Variants in GABRA3 observed in about 807,000 individuals in gnomAD.
GABRA3 encodes the protein gamma-aminobutyric acid receptor subunit alpha-3.
Under a neutral mutation model 30.1 loss-of-function variants are expected in GABRA3, and 10 were observed. The observed-to-expected ratio is 0.33, with a 90% CI of 0.20 to 0.56. The LOEUF is 0.56. Ranked by LOEUF, GABRA3 falls within the 20% of genes least tolerant of loss-of-function variation. The pLI is 0.89. For missense variants in GABRA3, 233 were observed against 392.0 expected (o/e 0.59, Z 3.42); for synonymous variants, 151 against 146.8 (o/e 1.03, Z -0.21).
chrX:152,347,389 T>C (rs1309390487), intron 2 of GABRA3, among the ~76,000 whole-genome samples: 1 of 111,398 alleles, frequency 9.0e-6, no homozygotes, highest in Admixed American at 9.6e-5. Flanking sequence ...TTAATGTGTA[T>C]AAAATAATAA....
intron 4 of GABRA3, among the ~76,000 whole-genome samples, chrX:152,271,826 A>C (rs1938945071): frequency 9.0e-6 from 1 of 111,667 alleles, no homozygotes; most frequent in Non-Finnish European, 1.9e-5. Context: ...GCTGTGTCTA[A>C]AAAGGGCCAA....
intron 7 of GABRA3, among the ~76,000 whole-genome samples, chrX:152,200,736 T>C (rs1212250177): frequency 8.9e-6 from 1 of 112,121 alleles, no homozygotes; most frequent in Admixed American, 9.5e-5. Context: ...ATAAAAGATG[T>C]AATAAATATT....
intron 1 of GABRA3, among the ~76,000 whole-genome samples, chrX:152,441,011 TA>T (rs3042367): frequency 0.17 from 16,184 of 97,490 alleles, 1,059 homozygotes; most frequent in Middle Eastern, 0.22. Flanking sequence ...TATAGTATAA[TA>T]AAAAAAAAAA....
chrX:152,300,738 CA>C (rs1389496301), intron 3 of GABRA3, among the ~76,000 whole-genome samples: 1 of 111,466 alleles, frequency 9.0e-6, no homozygotes, highest in African/African-American at 3.3e-5. Flanking sequence ...ATGCAATTAC[CA>C]AAATAAAAAA....
At chrX:152,433,031 A>T (rs934068396) in intron 1 of GABRA3, among the ~76,000 whole-genome samples, 2 of 111,696 alleles carry the variant, frequency 1.8e-5, no homozygotes, top group Non-Finnish European at 3.8e-5. Context: ...TATTATAAAA[A>T]AAAGAAGTAT....
intron 5 of GABRA3, among the ~76,000 whole-genome samples, chrX:152,251,834 C>A (rs1473244964): frequency 2.7e-5 from 3 of 110,846 alleles, no homozygotes; most frequent in Non-Finnish European, 3.8e-5. Flanking sequence ...GACACTCATT[C>A]ATACCTTTTC....
chrX:152,412,235 C>T (rs185980802), intron 1 of GABRA3, among the ~76,000 whole-genome samples: 2 of 111,677 alleles, frequency 1.8e-5, no homozygotes, highest in East Asian at 5.7e-4. Flanking sequence ...TGCAAATTGG[C>T]TCAGCTACTG....
chrX:152,275,338 T>TA (rs1556774609), intron 4 of GABRA3, among the ~76,000 whole-genome samples: 3 of 9,374 alleles, frequency 3.2e-4, no homozygotes, highest in Admixed American at 2.7e-3. Flanking sequence ...ATATTTAATA[T>TA]TATATATAAT....
At chrX:152,244,316 T>C (rs775858754) in intron 5 of GABRA3, among the ~76,000 whole-genome samples, 4 of 111,974 alleles carry the variant, frequency 3.6e-5, no homozygotes, top group Non-Finnish European at 7.5e-5. Flanking sequence ...AATTAAAATG[T>C]TGAAATATTA....
chrX:152,190,009 T>G, intron 8 of GABRA3, 68 bp from the exon 9 acceptor site: 1 of 777,142 alleles, frequency 1.3e-6, no homozygotes, highest in Non-Finnish European at 1.9e-6. Context: ...ATGAAATCAC[T>G]AATTTCCTAT....
intron 9 of GABRA3, among the ~76,000 whole-genome samples, chrX:152,171,783 A>T (rs1937005940): frequency 8.9e-6 from 1 of 112,080 alleles, no homozygotes; most frequent in South Asian, 3.7e-4. Context: ...GTGGAAATTG[A>T]CTTCTCCAAA....
chrX:152,344,196 A>G (rs1187051167), intron 3 of GABRA3, among the ~76,000 whole-genome samples: 1 of 111,986 alleles, frequency 8.9e-6, no homozygotes, highest in Non-Finnish European at 1.9e-5. Flanking sequence ...CATGCCATAT[A>G]ATAAGAAAGT....
intron 1 of GABRA3, among the ~76,000 whole-genome samples, chrX:152,422,781 C>T (rs4828590): frequency 0.47 from 51,328 of 109,520 alleles, 10,993 homozygotes; most frequent in African/African-American, 0.82. Flanking sequence ...TAGGAATGAA[C>T]TTAAGAGATC....
intron 4 of GABRA3, among the ~76,000 whole-genome samples, chrX:152,276,907 G>A (rs1363635544): frequency 8.9e-6 from 1 of 111,892 alleles, no homozygotes; most frequent in Non-Finnish European, 1.9e-5. Flanking sequence ...TCACGGTTGT[G>A]AATATCTTTG....
intron 1 of GABRA3, among the ~76,000 whole-genome samples, chrX:152,418,041 A>G (rs1488871008): frequency 1.8e-5 from 2 of 110,919 alleles, no homozygotes; most frequent in African/African-American, 6.6e-5. Context: ...AAAGAAGAAA[A>G]AAAAGAAAAA....
At chrX:152,431,491 T>C (rs1048343563) in intron 1 of GABRA3, among the ~76,000 whole-genome samples, 1 of 111,451 alleles carries the variant, frequency 9.0e-6, no homozygotes, top group African/African-American at 3.3e-5. Flanking sequence ...GCACAGAAAA[T>C]GAAAAGTAAT....
intron 5 of GABRA3, among the ~76,000 whole-genome samples, chrX:152,237,162 T>G (rs1056908075): frequency 9.0e-6 from 1 of 111,683 alleles, no homozygotes; most frequent in African/African-American, 3.3e-5. Flanking sequence ...CATCTTGAAT[T>G]GATTTTTGTC....
At chrX:152,293,735 A>T (rs1569386415) in intron 3 of GABRA3, among the ~76,000 whole-genome samples, 1 of 111,183 alleles carries the variant, frequency 9.0e-6, no homozygotes, top group East Asian at 2.8e-4. Context: ...TGTCTTTACA[A>T]TTTGTCATGT....
chrX:152,369,361 TAATAAATAAATAAATA>T (rs60301652), intron 1 of GABRA3, among the ~76,000 whole-genome samples: 1 of 105,871 alleles, frequency 9.4e-6, no homozygotes, highest in Admixed American at 1.0e-4. Context: ...ATCTGTCAAT[TAATAAATAAATAAATA>T]AATATATGAT....
Sources: allele counts gnomAD v4.1 joint callset (sites outside exome capture counted in the v4.1 genomes callset), GRCh38; gene constraint gnomAD v4.1.1; transcripts MANE v1.5; gene names NCBI Gene and HGNC (gene_info 2026-07-23, HGNC 2026-07-21).